Variants in TRAPPC9 observed in about 807,000 individuals in gnomAD.
The protein encoded by TRAPPC9 is trafficking protein particle complex subunit 9, also known as IKK2 binding protein.
A neutral mutation model predicts 124.0 loss-of-function variants in TRAPPC9; 83 were observed. The ratio of observed to expected loss-of-function variants is 0.67; its 90% CI spans 0.56 to 0.80. The LOEUF (loss-of-function observed/expected upper bound fraction) is 0.80. Ranked by LOEUF, TRAPPC9 falls within the 30% of genes least tolerant of loss-of-function variation. The pLI is 0.00. For missense variants in TRAPPC9, 1,302 were observed against 1,508.3 expected, an observed-to-expected ratio of 0.86 and a Z score of 2.27; for synonymous variants, 638 against 617.5, an observed-to-expected ratio of 1.03 and a Z score of -0.49.
chr8:140,187,667 G>A lies in TRAPPC9; in HGVS notation c.2556+33792C>T, dbSNP rs73364906. ...ATACCAACTTCTCCTCGTCGTCCTG[G>A]CCTTTCCCTGTTGGTGGTTTTTTTT... On this transcript the variant is annotated intron_variant, in intron 17 of 22. Transcript: ENST00000438773. Among the ~76,000 whole-genome samples the A allele has an allele frequency of 5.4e-3, 827 of 152,168 alleles. 8 individuals are homozygous for A. The highest frequency in any genetic ancestry group is 0.019 in the African/African-American group (787 of 41,520).
intron 19 of TRAPPC9, among the ~76,000 whole-genome samples, chr8:139,974,210 T>C (rs914280099): frequency 6.6e-6 from 1 of 152,142 alleles, no homozygotes; most frequent in Non-Finnish European, 1.5e-5. Flanking sequence ...AGCAGGCTCA[T>C]GTATCGGTAC....
In TRAPPC9 at chr8:139,993,682, T is replaced by C. The variant is rs1587438524; in HGVS notation, c.2700-4846A>G. On this transcript the variant is annotated intron_variant, in intron 18 of 22. Transcript: ENST00000438773. The stretch of plus-strand genomic sequence containing the variant: ...ACAGACATACAATGGTAGAGTTATA[T>C]GATGGAAACCTATGCAGAGGTGACA... Among the ~76,000 whole-genome samples the C allele has an allele frequency of 2.0e-5, 3 of 152,314 alleles. No homozygotes were observed. In the South Asian group the frequency reaches 6.2e-4, roughly 32 times the overall value.
chr8:140,357,376 G>A (rs1327639950), intron 9 of TRAPPC9, among the ~76,000 whole-genome samples: 2 of 152,110 alleles, frequency 1.3e-5, no homozygotes, highest in Admixed American at 1.3e-4. Context: ...AGGGCTCAGG[G>A]CCGTGTCACC....
intron 17 of TRAPPC9, among the ~76,000 whole-genome samples, chr8:140,176,061 G>A (rs1237271781): frequency 6.6e-6 from 1 of 152,202 alleles, no homozygotes; most frequent in Non-Finnish European, 1.5e-5. Context: ...TAAGTGATGT[G>A]ACAAAGGAAA....
intron 21 of TRAPPC9, among the ~76,000 whole-genome samples, chr8:139,832,765 G>A (rs998306710): frequency 2.0e-5 from 3 of 152,128 alleles, no homozygotes; most frequent in African/African-American, 7.2e-5. Flanking sequence ...GGTGGATGAC[G>A]TGTCCCTTCC....
intron 17 of TRAPPC9, among the ~76,000 whole-genome samples, chr8:140,079,080 G>A (rs954178054): frequency 2.6e-5 from 4 of 152,206 alleles, no homozygotes; most frequent in Admixed American, 2.0e-4. Context: ...TAAGTCTCAC[G>A]AGATCTGATG....
chr8:139,871,871 G>A (rs1034215447), intron 21 of TRAPPC9, among the ~76,000 whole-genome samples: 1 of 152,248 alleles, frequency 6.6e-6, no homozygotes, highest in Non-Finnish European at 1.5e-5. Context: ...AGATGAATGA[G>A]TTAGTGGGTG....
intron 7 of TRAPPC9, among the ~76,000 whole-genome samples, chr8:140,396,307 A>G (rs13252031): frequency 0.28 from 42,670 of 151,458 alleles, 6,865 homozygotes; most frequent in South Asian, 0.42. Flanking sequence ...ACGCCTGGCT[A>G]ATTTTTTGTA....
At chr8:139,955,369 G>A (rs769217136) in intron 19 of TRAPPC9, among the ~76,000 whole-genome samples, 2 of 152,126 alleles carry the variant, frequency 1.3e-5, no homozygotes, top group South Asian at 2.1e-4. Flanking sequence ...AGCACCAGCC[G>A]CACACACTGC....
chr8:140,378,358 C>T (rs2068507360), intron 7 of TRAPPC9, among the ~76,000 whole-genome samples: 1 of 152,128 alleles, frequency 6.6e-6, no homozygotes, highest in Non-Finnish European at 1.5e-5. Context: ...GCCAGCGCAG[C>T]TAAGAATATA....
intron 17 of TRAPPC9, among the ~76,000 whole-genome samples, chr8:140,181,442 T>G (rs754990447): frequency 1.3e-5 from 2 of 152,050 alleles, no homozygotes; most frequent in African/African-American, 2.4e-5. Context: ...TGTTGGTTTG[T>G]TTTGTTTTGT....
chr8:139,839,951 C>CA (rs969815930), intron 21 of TRAPPC9, among the ~76,000 whole-genome samples: 1 of 152,194 alleles, frequency 6.6e-6, no homozygotes, highest in African/African-American at 2.4e-5. Context: ...GACTGTGTTC[C>CA]AAAGAAACCC....
At chr8:140,225,803 A>G (rs538283008) in intron 16 of TRAPPC9, among the ~76,000 whole-genome samples, 62 of 151,670 alleles carry the variant, frequency 4.1e-4, no homozygotes, top group Admixed American at 3.3e-4. Flanking sequence ...CTGTATCTCC[A>G]CCCCTCTCTC....
At chr8:140,201,552 T>C (rs1003175239) in intron 17 of TRAPPC9, among the ~76,000 whole-genome samples, 1 of 152,244 alleles carries the variant, frequency 6.6e-6, no homozygotes, top group African/African-American at 2.4e-5. Flanking sequence ...CAATGCCTAC[T>C]GTGTATACTG....
chr8:140,453,514 C>CCATTCTGCATATGCAGAGCCCACGA (rs55883233), intron 1 of TRAPPC9, among the ~76,000 whole-genome samples: 12,970 of 151,870 alleles, frequency 0.085, 606 homozygotes, highest in African/African-American at 0.11. Flanking sequence ...GGGGGCTATC[C>CCATTCTGCATATGCAGAGCCCACGA]TGGACATCAC....
intron 9 of TRAPPC9, among the ~76,000 whole-genome samples, chr8:140,354,965 T>C (rs1264782907): frequency 6.6e-6 from 1 of 152,206 alleles, no homozygotes; most frequent in Non-Finnish European, 1.5e-5. Context: ...CCAAATATCA[T>C]TATATAAAGG....
rs1248124944 is a variant in TRAPPC9 at position 140,316,002 on chromosome 8, T to C, written c.1496-4628A>G. ...TTTCCTTATGGATTGTATCTTTGACTATGGCTGCCCTAAAACCTTTTGTCA... is the reference window on the plus strand; with the variant it reads ...TTTCCTTATGGATTGTATCTTTGACCATGGCTGCCCTAAAACCTTTTGTCA... On this transcript the variant is annotated intron_variant, in intron 9 of 22. Coordinates refer to ENST00000438773, the MANE Select transcript of TRAPPC9 (RefSeq NM_001160372.4). Among the ~76,000 whole-genome samples the C allele has an allele frequency of 2.0e-5, 3 of 152,200 alleles. No individual in the cohort carries two copies. The East Asian group carries it at 5.8e-4, about 29-fold the overall frequency.
intron 5 of TRAPPC9, among the ~76,000 whole-genome samples, chr8:140,412,086 A>G (rs2069725105): frequency 6.6e-6 from 1 of 152,210 alleles, no homozygotes; most frequent in Non-Finnish European, 1.5e-5. Flanking sequence ...CGAGAAAAAT[A>G]GTAACTTTAC....
At chr8:139,916,514 C>T (rs545844087) in intron 19 of TRAPPC9, 2 of 152,392 alleles carry the variant, frequency 1.3e-5, no homozygotes, top group South Asian at 4.1e-4. Context: ...CCTCCATCCA[C>T]TCCTCGGAAC....
Sources: allele counts gnomAD v4.1 joint callset (sites outside exome capture counted in the v4.1 genomes callset), GRCh38; gene constraint gnomAD v4.1.1; transcripts MANE v1.5; gene names NCBI Gene and HGNC (gene_info 2026-07-23, HGNC 2026-07-21).